Variants in FBLN2 observed in about 807,000 individuals in gnomAD.
FBLN2 encodes fibulin-2.
Under a neutral mutation model 123.7 loss-of-function variants are expected in FBLN2, and 81 were observed. The ratio of observed to expected loss-of-function variants is 0.65; its 90% CI spans 0.55 to 0.79. FBLN2 has a LOEUF of 0.79. FBLN2 is among the 30% of genes least tolerant of loss of function. The pLI, the probability that FBLN2 is intolerant of heterozygous loss-of-function variation, is 0.00. For missense variants in FBLN2, 1,603 were observed against 1,681.3 expected (o/e 0.95, Z 0.81); for synonymous variants, 699 against 701.4 (o/e 1.00, Z 0.05).
chr3:13,570,370 G>C lies in FBLN2; in HGVS notation c.15G>C (p.Trp5Cys). The change falls in exon 2 of 18, where the codon TGG becomes TGC. Residue 5 changes from tryptophan (W) to cysteine (C), a missense_variant. Transcript: ENST00000404922. ...TGGCCTGGACCATGGTGCTGCTCTG[G>C]GAGCCTGCAGGAGCCTGGCTTGCTC... Reference protein sequence around the residue: MVLLWEPAGAWLALG... With the variant: MVLLCEPAGAWLALG... 6.4e-7 allele frequency: 1 copy of C among 1,565,908 alleles called. No individual in the cohort carries two copies. Among genetic ancestry groups the C allele is most frequent in the Non-Finnish European group, 8.7e-7 (1 of 1,155,336 alleles).
chr3:13,619,667 A>G (rs1459464897), intron 7 of FBLN2, 63 bp from the exon 8 acceptor site: 7 of 1,376,900 alleles, frequency 5.1e-6, no homozygotes, highest in Non-Finnish European at 7.1e-6. Flanking sequence ...GGGATGGGGA[A>G]TGAGCCAGTG....
chr3:13,595,476 TA>T (rs569692084), intron 2 of FBLN2, among the ~76,000 whole-genome samples: 5 of 151,274 alleles, frequency 3.3e-5, no homozygotes, highest in African/African-American at 7.3e-5. Flanking sequence ...ACAGTCCTCA[TA>T]AAAAAAAACT....
intron 2 of FBLN2, among the ~76,000 whole-genome samples, chr3:13,582,659 C>T (rs61084645): frequency 0.015 from 2,298 of 152,288 alleles, 57 homozygotes; most frequent in African/African-American, 0.051. Context: ...CTCAGGCAAG[C>T]GACTCACCCT....
At position 13,569,016 on chromosome 3, in the gene FBLN2, G is replaced by C. The variant is rs530628827; in HGVS notation, c.-41-1299G>C. 2.8e-5 allele frequency: 28 copies of C among 985,958 alleles called. No individual in the cohort carries two copies. In the Admixed American group the frequency reaches 1.7e-3, roughly 60 times the overall value. 61.1% of individuals were successfully genotyped at this position (985,958 alleles called of 1,614,324 possible). ...CACTGCCCTATGGGGCTGCGCTTTA[G>C]GCTGGGAGTCGGAGAAGGAGCTCTT... On this transcript the variant is annotated intron_variant, in intron 1 of 17. Transcript: ENST00000404922.
intron 2 of FBLN2, among the ~76,000 whole-genome samples, chr3:13,589,186 C>G (rs904120454): frequency 2.6e-5 from 4 of 152,202 alleles, no homozygotes; most frequent in Admixed American, 1.3e-4. Flanking sequence ...ATACTTTTCT[C>G]TCTTTTGCAT....
chr3:13,551,759 C>T (rs1703329266), intron 1 of FBLN2, among the ~76,000 whole-genome samples: 1 of 152,102 alleles, frequency 6.6e-6, no homozygotes, highest in African/African-American at 2.4e-5. Context: ...GCCACTTGAC[C>T]TCCATCTCTT....
At chr3:13,584,154 G>T (rs773589901) in intron 2 of FBLN2, among the ~76,000 whole-genome samples, 6 of 152,242 alleles carry the variant, frequency 3.9e-5, no homozygotes, top group Non-Finnish European at 8.8e-5. Context: ...TCTACAAGAA[G>T]CCTGGGATCT....
In FBLN2 at chr3:13,621,841, G is replaced by T; in HGVS notation, c.2222G>T (p.Gly741Val). ...SRRQFCVNTL[G>V]SFYCVNHTVL... ...CGACAGTTCTGTGTGAACACCCTGG[G>T]ATCCTTCTACTGTGTCAACCACACA... The change falls in exon 9 of 18, where the codon GGA becomes GTA. Residue 741 changes from glycine to valine, a missense_variant. Gly to Val is a moderately radical substitution (Grantham distance 109). Coordinates refer to ENST00000404922, the MANE Select transcript of FBLN2 (RefSeq NM_001004019.2). 2 of 1,614,026 alleles carry T rather than the reference G, an allele frequency of 1.2e-6. No homozygotes were observed. Among genetic ancestry groups the T allele is most frequent in the Non-Finnish European group, 1.7e-6 (2 of 1,179,894 alleles).
intron 2 of FBLN2, among the ~76,000 whole-genome samples, chr3:13,577,364 G>A (rs762106548): frequency 6.6e-6 from 1 of 152,136 alleles, no homozygotes; most frequent in African/African-American, 2.4e-5. Context: ...CGAGTGCAAA[G>A]GCCCCAGGGC....
chr3:13,568,956 C>T (rs866352648), intron 1 of FBLN2: 2 of 985,586 alleles, frequency 2.0e-6, no homozygotes, highest in South Asian at 9.4e-5. Context: ...GCTTGGGGAC[C>T]ACTGCTGTGG....
intron 4 of FBLN2, 27 bp downstream of exon 4, chr3:13,609,669 CA>C: frequency 6.3e-6 from 1 of 158,954 alleles, no homozygotes; most frequent in Non-Finnish European, 1.2e-5. Context: ...GCCTTCAAGG[CA>C]GGGTGGGGTG....
At chr3:13,607,955 G>T in intron 2 of FBLN2, 107 bp from the exon 3 acceptor site, 1 of 748,560 alleles carries the variant, frequency 1.3e-6, no homozygotes, top group South Asian at 1.7e-5. Context: ...AGCAGCAGGG[G>T]TGGATGAGTT....
intron 1 of FBLN2, among the ~76,000 whole-genome samples, chr3:13,549,526 C>A (rs1451931316): frequency 6.6e-6 from 1 of 151,768 alleles, no homozygotes; most frequent in Non-Finnish European, 1.5e-5. Context: ...TTTCACTTCT[C>A]CCCCCTGGGC....
chr3:13,571,054 AG>A lies in FBLN2; in HGVS notation c.701del (p.Gly234ValfsTer40). 6.4e-7 allele frequency: 1 copy of A among 1,561,642 alleles called. No homozygotes were observed. The highest frequency in any genetic ancestry group is 1.2e-5 in the South Asian group (1 of 85,092). ...CAGGGGGCCCCCCAGCTGCTCTGGGAGGTGGGAGTCAGCCACTGTCCACCAT... is the reference window on the plus strand; with the variant it reads ...CAGGGGGCCCCCCAGCTGCTCTGGGAGTGGGAGTCAGCCACTGTCCACCAT... Reference protein sequence around the residue: ...GAGGPPAALGGGSQPLSTIQA... With the variant: ...GAGGPPAALGXGSQPLSTIQA... On this transcript the variant is annotated frameshift_variant, in exon 2 of 18. Coordinates refer to ENST00000404922, the MANE Select transcript of FBLN2 (RefSeq NM_001004019.2). LOFTEE classifies it high-confidence loss of function.
At chr3:13,583,874 C>T (rs888408598) in intron 2 of FBLN2, among the ~76,000 whole-genome samples, 5 of 152,252 alleles carry the variant, frequency 3.3e-5, no homozygotes, top group Non-Finnish European at 7.3e-5. Flanking sequence ...GCCTGCCCCC[C>T]TCACCTTTTG....
intron 3 of FBLN2, 145 bp downstream of exon 3, chr3:13,608,318 C>T (rs1705276196): frequency 1.1e-5 from 7 of 639,300 alleles, no homozygotes; most frequent in South Asian, 9.7e-5. Context: ...GTGTGGCTGC[C>T]GTGCGCCATC....
intron 1 of FBLN2, among the ~76,000 whole-genome samples, chr3:13,562,701 C>A (rs1157013917): frequency 1.3e-5 from 2 of 152,174 alleles, no homozygotes; most frequent in Non-Finnish European, 2.9e-5. Flanking sequence ...CATGGAAGTT[C>A]ACGTTGTGCA....
chr3:13,618,823 G>A (rs111781851), intron 6 of FBLN2, 81 bp from the exon 7 acceptor site: 8 of 931,398 alleles, frequency 8.6e-6, no homozygotes, highest in Non-Finnish European at 1.2e-5. Context: ...GTGTGAGAAG[G>A]GCAGGTGCCT....
intron 1 of FBLN2, among the ~76,000 whole-genome samples, chr3:13,563,416 G>A (rs1703662737): frequency 6.6e-6 from 1 of 152,238 alleles, no homozygotes; most frequent in Non-Finnish European, 1.5e-5. Flanking sequence ...CACTCTCCAT[G>A]GTCTTTGGCC....
Sources: allele counts gnomAD v4.1 joint callset (sites outside exome capture counted in the v4.1 genomes callset), GRCh38; gene constraint gnomAD v4.1.1; transcripts MANE v1.5; gene names NCBI Gene and HGNC (gene_info 2026-07-23, HGNC 2026-07-21).